TEX36: variants seen among roughly 807,000 people sequenced by gnomAD.
TEX36 encodes the protein testis expressed 36.
A neutral mutation model predicts 13.6 loss-of-function variants in TEX36; 12 were observed. The observed-to-expected ratio is 0.88, with a 90% CI of 0.56 to 1.43. The LOEUF is 1.43. TEX36 is among the 40% of genes most tolerant of loss of function. The pLI, the probability that TEX36 is intolerant of heterozygous loss-of-function variation, is 0.00. For missense variants in TEX36, 224 were observed against 228.3 expected (o/e 0.98, Z 0.12); for synonymous variants, 93 against 83.0 (o/e 1.12, Z -0.65).
intron 3 of TEX36, among the ~76,000 whole-genome samples, chr10:125,631,453 G>A (rs561433349): frequency 6.6e-6 from 1 of 152,220 alleles, no homozygotes; most frequent in East Asian, 1.9e-4. Context: ...CTGTGTCATC[G>A]CCGGAATGAG....
In TEX36 at chr10:125,596,118, G is replaced by A. The variant is rs145894256; in HGVS notation, c.265-19244C>T. Among the ~76,000 whole-genome samples the A allele has an allele frequency of 4.1e-4, 62 of 152,352 alleles. No individual in the cohort carries two copies. The East Asian group carries it at 0.012, about 28-fold the overall frequency. ...GGAATGCAAGGATGGTTTAACATGA[G>A]AAATGTGCTGATGTAACTGTGGTGG... On this transcript the variant is annotated intron_variant, in intron 3 of 3. Coordinates refer to the TEX36 transcript ENST00000532135.
intron 3 of TEX36, among the ~76,000 whole-genome samples, chr10:125,582,517 G>T (rs541151189): frequency 6.6e-6 from 1 of 152,302 alleles, no homozygotes; most frequent in East Asian, 1.9e-4. Flanking sequence ...TGCTGCGTGC[G>T]TGCCTACAGA....
intron 3 of TEX36, among the ~76,000 whole-genome samples, chr10:125,631,181 G>T (rs1481770538): frequency 1.3e-5 from 2 of 152,238 alleles, no homozygotes; most frequent in South Asian, 2.1e-4. Flanking sequence ...TGGTCAGAGT[G>T]CTTTCTCCAA....
intron 3 of TEX36, among the ~76,000 whole-genome samples, chr10:125,660,539 G>A (rs150659424): frequency 6.6e-6 from 1 of 152,314 alleles, no homozygotes; most frequent in Non-Finnish European, 1.5e-5. Context: ...ACAGTGCTGT[G>A]TGAACCACCA....
intron 3 of TEX36, among the ~76,000 whole-genome samples, chr10:125,585,255 G>A (rs1159034279): frequency 6.6e-6 from 1 of 152,164 alleles, no homozygotes; most frequent in Non-Finnish European, 1.5e-5. Flanking sequence ...CGAGTTCCCA[G>A]AGGGAGAAAG....
chr10:125,667,451 T>C, intron 1 of TEX36: 1 of 705,082 alleles, frequency 1.4e-6, no homozygotes. Flanking sequence ...GACGTTGGTA[T>C]TTTCCATGAC....
chr10:125,634,116 T>A (rs1846594608), intron 3 of TEX36, among the ~76,000 whole-genome samples: 1 of 152,192 alleles, frequency 6.6e-6, no homozygotes, highest in Non-Finnish European at 1.5e-5. Flanking sequence ...CCTTTGTATA[T>A]TCATTTAAGG....
At chr10:125,638,344 A>G (rs979281554) in intron 3 of TEX36, among the ~76,000 whole-genome samples, 16 of 152,268 alleles carry the variant, frequency 1.1e-4, no homozygotes, top group Non-Finnish European at 1.9e-4. Flanking sequence ...AAAAAGAAAA[A>G]AAATCCTAAA....
rs1354983928 is a variant in TEX36, at chr10:125,661,862, T to A, written c.167A>T (p.Tyr56Phe). 6.4e-7 allele frequency: 1 copy of A among 1,551,868 alleles called. No homozygotes were observed. Among genetic ancestry groups the A allele is most frequent in the Non-Finnish European group, 8.7e-7 (1 of 1,147,020 alleles). Reference protein sequence around the residue: ...RQAEGKLPPIYKVREKQAVNN... With the variant: ...RQAEGKLPPIFKVREKQAVNN... ...AGGACTCACCTTCTCCCGGACTTTG[T>A]ATATGGGCGGCAGCTTCCCCTCCGC... Residue 56 changes from tyrosine to phenylalanine, a missense_variant, in exon 2 of 4, where the codon TAC becomes TTC. Tyr to Phe is a conservative substitution (Grantham distance 22). Transcript: ENST00000368821.
chr10:125,637,801 T>C (rs1846639049), intron 3 of TEX36, among the ~76,000 whole-genome samples: 1 of 152,122 alleles, frequency 6.6e-6, no homozygotes, highest in African/African-American at 2.4e-5. Context: ...CACAGTCTCC[T>C]TGCTTTTCCC....
intron 3 of TEX36, among the ~76,000 whole-genome samples, chr10:125,615,803 G>T (rs1846349931): frequency 6.6e-6 from 1 of 152,164 alleles, no homozygotes; most frequent in South Asian, 2.1e-4. Flanking sequence ...TTCATAAAAT[G>T]AGTTAGGGAG....
rs907561197 is a variant in TEX36 at position 125,657,073 on chromosome 10, A to G, written c.265-877T>C. ...AATTACTGTGTACTCAAAATTGTAC[A>G]TTCTGTTTGTTCACAACTAGATGAA... On this transcript the variant is annotated intron_variant, in intron 3 of 3. Coordinates refer to ENST00000368821, the MANE Select transcript of TEX36 (RefSeq NM_001128202.3). Among the ~76,000 whole-genome samples the G allele has an allele frequency of 6.1e-5, 9 of 148,148 alleles. No homozygotes were observed. In the South Asian group the frequency reaches 1.7e-3, roughly 27 times the overall value.
intron 3 of TEX36, among the ~76,000 whole-genome samples, chr10:125,636,522 C>G (rs1026857348): frequency 2.6e-5 from 4 of 152,134 alleles, no homozygotes; most frequent in African/African-American, 9.7e-5. Flanking sequence ...CCTTGCTGAA[C>G]TATTTTATAT....
downstream of TEX36, among the ~76,000 whole-genome samples, chr10:125,651,257 G>A (rs1293279789): frequency 6.6e-6 from 1 of 152,098 alleles, no homozygotes; most frequent in Non-Finnish European, 1.5e-5. Flanking sequence ...ATAAAATGCT[G>A]GCAAACCTAA....
intron 3 of TEX36, among the ~76,000 whole-genome samples, chr10:125,614,780 C>A (rs1460695536): frequency 1.3e-5 from 2 of 152,116 alleles, no homozygotes; most frequent in Non-Finnish European, 2.9e-5. Flanking sequence ...TTTTTGGTTC[C>A]ATATGAACTT....
intron 3 of TEX36, among the ~76,000 whole-genome samples, chr10:125,591,056 G>C (rs1846016128): frequency 6.6e-6 from 1 of 152,202 alleles, no homozygotes; most frequent in African/African-American, 2.4e-5. Flanking sequence ...GCACAGCCCA[G>C]TGATGAGGGT....
In TEX36 at chr10:125,649,343, G is replaced by A. The variant is rs551594128; in HGVS notation, c.264+11678C>T. Among the ~76,000 whole-genome samples the A allele has an allele frequency of 2.0e-5, 3 of 152,292 alleles. No homozygotes were observed. In the East Asian group the frequency reaches 5.8e-4, roughly 29 times the overall value. The stretch of plus-strand genomic sequence containing the variant: ...TCTACAAGCCAGAAGAGAGTGGGGG[G>A]CCAATATTCAACATTCTTAAAGAAT... On this transcript the variant is annotated intron_variant, in intron 3 of 3. Coordinates refer to the TEX36 transcript ENST00000526819.
At chr10:125,597,012 G>A (rs1301798486) in intron 3 of TEX36, among the ~76,000 whole-genome samples, 2 of 152,186 alleles carry the variant, frequency 1.3e-5, no homozygotes, top group Non-Finnish European at 2.9e-5. Flanking sequence ...TTGCAACATT[G>A]CTAGAACAGC....
intron 3 of TEX36, among the ~76,000 whole-genome samples, chr10:125,635,300 T>C (rs9422775): frequency 0.044 from 6,731 of 152,282 alleles, 227 homozygotes; most frequent in South Asian, 0.17. Flanking sequence ...TCTAGCACTT[T>C]GAAAAACGTT....
Sources: allele counts gnomAD v4.1 joint callset (sites outside exome capture counted in the v4.1 genomes callset), GRCh38; gene constraint gnomAD v4.1.1; transcripts MANE v1.5; gene names NCBI Gene and HGNC (gene_info 2026-07-23, HGNC 2026-07-21).